Variants in HERC4 observed in about 807,000 individuals in gnomAD.
HERC4 encodes probable E3 ubiquitin-protein ligase HERC4.
A neutral mutation model predicts 124.3 loss-of-function variants in HERC4; 28 were observed. The ratio of observed to expected loss-of-function variants is 0.23; its 90% confidence interval spans 0.17 to 0.31. The LOEUF (loss-of-function observed/expected upper bound fraction) is 0.31. HERC4 is among the 10% of genes least tolerant of loss of function. The pLI is 1.00. For synonymous variants in HERC4, 407 were observed against 421.5 expected, an observed-to-expected ratio of 0.97 and a Z score of 0.42; for missense variants, 713 against 1,229.3, an observed-to-expected ratio of 0.58 and a Z score of 6.28.
chr10:67,936,883 T>C (rs989444995), intron 21 of HERC4, among the ~76,000 whole-genome samples: 1 of 152,170 alleles, frequency 6.6e-6, no homozygotes, highest in Non-Finnish European at 1.5e-5. Context: ...TAGATGAGTA[T>C]ATTCCTGCTG....
intron 4 of HERC4, among the ~76,000 whole-genome samples, chr10:68,038,570 TTGG>T (rs2039595614): frequency 6.6e-6 from 1 of 152,200 alleles, no homozygotes; most frequent in Non-Finnish European, 1.5e-5. Context: ...TTGTCTAAAA[TTGG>T]TGTTTTGCCT....
intron 8 of HERC4, among the ~76,000 whole-genome samples, 190 bp downstream of exon 8, chr10:68,025,356 C>A (rs1332957116): frequency 2.6e-5 from 4 of 152,082 alleles, no homozygotes; most frequent in Non-Finnish European, 5.9e-5. Context: ...TAAATCTGTT[C>A]AAGTAAAAAT....
At chr10:67,999,531 T>C (rs1589284160) in intron 9 of HERC4, among the ~76,000 whole-genome samples, 1 of 152,356 alleles carries the variant, frequency 6.6e-6, no homozygotes, top group Admixed American at 6.5e-5. Flanking sequence ...TATAGGGTTC[T>C]GAAGAGATCT....
chr10:67,927,403 TATATATA>T (rs2031151601), intron 23 of HERC4, among the ~76,000 whole-genome samples: 1 of 20,694 alleles, frequency 4.8e-5, no homozygotes, highest in African/African-American at 8.1e-5. Flanking sequence ...TATATATATA[TATATATA>T]TATATATATA....
intron 8 of HERC4, among the ~76,000 whole-genome samples, chr10:68,024,037 GA>G (rs2038780606): frequency 6.6e-6 from 1 of 152,066 alleles, no homozygotes; most frequent in Non-Finnish European, 1.5e-5. Flanking sequence ...GCAAAACATG[GA>G]AAGACATCTG....
intron 3 of HERC4, chr10:68,068,486 CAAAA>C (rs34779824): frequency 1.1e-4 from 8 of 71,100 alleles, no homozygotes; most frequent in Middle Eastern, 6.6e-3. Context: ...GACTCCGTTT[CAAAA>C]AAAAAAAAAA....
chr10:68,044,397 T>C lies in HERC4; in HGVS notation c.386+7A>G, dbSNP rs2133499554. ...GTTAAGGACCTCTTTCTGGTCACCT[T>C]TGTTACCTGGGTACTCTGATGCATT... On this transcript the variant is annotated splice_region_variant and intron_variant, in intron 4 of 24. Coordinates refer to ENST00000373700, the MANE Select transcript of HERC4 (RefSeq NM_015601.4). 1 of 1,604,106 alleles carries C rather than the reference T, an allele frequency of 6.2e-7. No homozygotes were observed. The highest frequency in any genetic ancestry group is 8.5e-7 in the Non-Finnish European group (1 of 1,177,368).
intron 6 of HERC4, 98 bp downstream of exon 6, chr10:68,033,867 G>A (rs570050798): frequency 2.7e-5 from 26 of 952,760 alleles, no homozygotes; most frequent in Middle Eastern, 2.2e-4. Flanking sequence ...CTATACCAGG[G>A]AAGATACATT....
At chr10:68,009,563 C>T (rs1056795631) in intron 9 of HERC4, among the ~76,000 whole-genome samples, 1 of 152,144 alleles carries the variant, frequency 6.6e-6, no homozygotes, top group East Asian at 1.9e-4. Context: ...TGGAGAGTCT[C>T]GCCTCATTGT....
At chr10:68,009,063 A>T (rs1009340920) in intron 9 of HERC4, among the ~76,000 whole-genome samples, 2 of 152,106 alleles carry the variant, frequency 1.3e-5, no homozygotes. Context: ...TCCAATAAAA[A>T]TACTAAAAAA....
At chr10:68,010,991 A>C in intron 9 of HERC4, 1 of 775,694 alleles carries the variant, frequency 1.3e-6, no homozygotes, top group Admixed American at 2.2e-5. Context: ...TCTTCGAATG[A>C]AGTCTTGAGC....
chr10:68,005,097 G>C (rs570545842), intron 9 of HERC4, among the ~76,000 whole-genome samples: 38 of 152,218 alleles, frequency 2.5e-4, no homozygotes, highest in African/African-American at 8.4e-4. Context: ...ATTTATTTCT[G>C]AGTTCTCTGT....
At chr10:67,952,809 A>T (rs2132280598) in intron 19 of HERC4, among the ~76,000 whole-genome samples, 1 of 151,800 alleles carries the variant, frequency 6.6e-6, no homozygotes, top group South Asian at 2.1e-4. Flanking sequence ...CTGAGGCAGG[A>T]GAATGGCATG....
intron 9 of HERC4, among the ~76,000 whole-genome samples, chr10:68,009,746 C>G (rs1182657754): frequency 6.6e-6 from 1 of 152,178 alleles, no homozygotes; most frequent in African/African-American, 2.4e-5. Flanking sequence ...ACCCACGGAA[C>G]TGCTTTCAAA....
chr10:67,987,886 T>C (rs934101911), intron 15 of HERC4, among the ~76,000 whole-genome samples: 6 of 152,056 alleles, frequency 3.9e-5, no homozygotes. Flanking sequence ...GGTCTGAAAA[T>C]GCAAAGAAGC....
intron 23 of HERC4, among the ~76,000 whole-genome samples, chr10:67,927,401 TATATATATATATATATATATATATATA>T (rs1453871074): frequency 2.6e-3 from 22 of 8,418 alleles, no homozygotes; most frequent in Admixed American, 3.7e-3. Flanking sequence ...TATATATATA[TATATATATATATATATATATATATATA>T]TATTTTTTTT....
chr10:68,065,650 A>C (rs1437868222), intron 3 of HERC4, among the ~76,000 whole-genome samples: 1 of 152,200 alleles, frequency 6.6e-6, no homozygotes, highest in Non-Finnish European at 1.5e-5. Flanking sequence ...AGGTGCGAGG[A>C]TCACTTCGAG....
At chr10:67,957,586 T>G (rs529253586) in intron 16 of HERC4, among the ~76,000 whole-genome samples, 1 of 152,188 alleles carries the variant, frequency 6.6e-6, no homozygotes, top group South Asian at 2.1e-4. Context: ...ATATATTGAT[T>G]GCTAAGTATT....
At chr10:68,031,308 T>G (rs2039188954) in intron 7 of HERC4, among the ~76,000 whole-genome samples, 1 of 152,180 alleles carries the variant, frequency 6.6e-6, no homozygotes, top group African/African-American at 2.4e-5. Context: ...ATAAAATTAG[T>G]TTTTGGAATG....
Sources: gnomAD v4.1 joint callset for allele counts (sites outside exome capture counted in the v4.1 genomes callset) on GRCh38, gnomAD v4.1.1 for gene constraint, MANE v1.5 for transcripts, NCBI Gene and HGNC (gene_info 2026-07-23, HGNC 2026-07-21) for gene names.